Variants in CNTNAP2 observed in about 807,000 individuals in gnomAD.
CNTNAP2 encodes contactin-associated protein-like 2.
In CNTNAP2, 98 loss-of-function variants were observed where a neutral mutation model predicts 155.2. The observed-to-expected ratio is 0.63, with a 90% CI of 0.54 to 0.75. The LOEUF is 0.75. Ranked by LOEUF, CNTNAP2 falls within the 30% of genes least tolerant of loss-of-function variation. The pLI, the probability that CNTNAP2 is intolerant of heterozygous loss-of-function variation, is 0.00. For synonymous variants in CNTNAP2, 651 were observed against 631.2 expected, an observed-to-expected ratio of 1.03 and a Z score of -0.47; for missense variants, 1,727 against 1,688.1, an observed-to-expected ratio of 1.02 and a Z score of -0.40.
chr7:148,036,863 T>A (rs2116471483), intron 15 of CNTNAP2, among the ~76,000 whole-genome samples: 1 of 152,230 alleles, frequency 6.6e-6, no homozygotes, highest in South Asian at 2.1e-4. Flanking sequence ...AGAGTCAACA[T>A]ATAGAACACA....
chr7:147,169,178 C>T (rs540673637), intron 8 of CNTNAP2, among the ~76,000 whole-genome samples: 1 of 152,248 alleles, frequency 6.6e-6, no homozygotes, highest in Non-Finnish European at 1.5e-5. Context: ...AGCATCTTGG[C>T]TTAAGAAAAC....
intron 2 of CNTNAP2, among the ~76,000 whole-genome samples, chr7:146,814,091 G>T (rs1271053872): frequency 3.3e-5 from 5 of 152,126 alleles, no homozygotes; most frequent in African/African-American, 1.2e-4. Flanking sequence ...GTTCTTTATA[G>T]CAGCATAAGA....
intron 10 of CNTNAP2, among the ~76,000 whole-genome samples, chr7:147,450,488 C>T (rs1056634366): frequency 2.0e-5 from 3 of 152,198 alleles, no homozygotes; most frequent in Admixed American, 2.0e-4. Context: ...CTCAGCCAAG[C>T]TCACATGGAC....
rs1289688180 is a variant in CNTNAP2 at position 146,538,622 on chromosome 7, G to A, written c.98-235649G>A. Among the ~76,000 whole-genome samples, 3 of 151,952 alleles carry A rather than the reference G, an allele frequency of 2.0e-5. No homozygotes were observed. In the South Asian group the frequency reaches 6.2e-4, roughly 31 times the overall value. On this transcript the variant is annotated intron_variant, in intron 1 of 23. Coordinates refer to ENST00000361727, the MANE Select transcript of CNTNAP2 (RefSeq NM_014141.6). Reference sequence around the variant, plus strand: ...ACTTCTCCTACGGGAGGTCTCTCAGGTCTCTTTATCTGACAGAGAAGGGAG... The same window carrying A: ...ACTTCTCCTACGGGAGGTCTCTCAGATCTCTTTATCTGACAGAGAAGGGAG...
intron 3 of CNTNAP2, among the ~76,000 whole-genome samples, chr7:146,989,190 T>G (rs552533516): frequency 6.6e-6 from 1 of 152,154 alleles, no homozygotes; most frequent in South Asian, 2.1e-4. Flanking sequence ...TTGGGATCAC[T>G]ACCTGTGGAA....
intron 1 of CNTNAP2, among the ~76,000 whole-genome samples, chr7:146,175,737 A>G (rs993863091): frequency 6.6e-6 from 1 of 152,190 alleles, no homozygotes; most frequent in African/African-American, 2.4e-5. Context: ...CGGTTTCCAT[A>G]TGCACACCCT....
intron 8 of CNTNAP2, among the ~76,000 whole-genome samples, chr7:147,237,070 T>TGACAG (rs1803824547): frequency 8.4e-6 from 1 of 119,126 alleles, no homozygotes; most frequent in Non-Finnish European, 1.8e-5. Context: ...TTTTTTTTTT[T>TGACAG]TTTTTTTTTT....
intron 1 of CNTNAP2, among the ~76,000 whole-genome samples, chr7:146,176,615 C>T (rs1330185059): frequency 6.6e-6 from 1 of 152,132 alleles, no homozygotes; most frequent in Non-Finnish European, 1.5e-5. Context: ...ATCTCTGACT[C>T]ATTTTGTCAT....
chr7:146,922,523 A>T (rs1278465484), intron 3 of CNTNAP2, among the ~76,000 whole-genome samples: 2 of 152,166 alleles, frequency 1.3e-5, no homozygotes, highest in African/African-American at 2.4e-5. Flanking sequence ...ATATTTTAAA[A>T]TAAAAAGGTA....
chr7:146,459,284 A>G lies in CNTNAP2; in HGVS notation c.98-314987A>G, dbSNP rs1048345752. On this transcript the variant is annotated intron_variant, in intron 1 of 23. Coordinates refer to ENST00000361727, the MANE Select transcript of CNTNAP2 (RefSeq NM_014141.6). The stretch of plus-strand genomic sequence containing the variant: ...AGAAAATATATAGATGGTTATGTGT[A>G]GGTCCATGCGTGTGCATTTTAAGAA... 1.1e-4 allele frequency among the ~76,000 whole-genome samples: 17 copies of G among 152,302 alleles called. No homozygotes were observed. In the East Asian group the frequency reaches 3.3e-3, roughly 29 times the overall value.
intron 3 of CNTNAP2, among the ~76,000 whole-genome samples, chr7:146,881,496 CATTT>C (rs554572684): frequency 6.6e-6 from 1 of 152,022 alleles, no homozygotes; most frequent in East Asian, 1.9e-4. Flanking sequence ...ATGTGTGTTC[CATTT>C]ATTTATTTAT....
chr7:146,374,341 CAT>C (rs1303210021), intron 1 of CNTNAP2, among the ~76,000 whole-genome samples: 11 of 152,146 alleles, frequency 7.2e-5, no homozygotes, highest in African/African-American at 2.7e-4. Context: ...TCTCGATAGT[CAT>C]AGAAATATTT....
At chr7:147,612,927 C>T (rs1454767203) in intron 12 of CNTNAP2, among the ~76,000 whole-genome samples, 1 of 152,116 alleles carries the variant, frequency 6.6e-6, no homozygotes, top group Non-Finnish European at 1.5e-5. Context: ...CATAGCTCAA[C>T]TTATTTTCCA....
chr7:146,976,157 G>T (rs138997352), intron 3 of CNTNAP2, among the ~76,000 whole-genome samples: 1 of 152,330 alleles, frequency 6.6e-6, no homozygotes, highest in African/African-American at 2.4e-5. Context: ...ACAGAGGCCA[G>T]GTGTGAGGTA....
chr7:146,569,941 GTAGT>G (rs912607635), intron 1 of CNTNAP2, among the ~76,000 whole-genome samples: 2 of 152,164 alleles, frequency 1.3e-5, no homozygotes, highest in African/African-American at 4.8e-5. Context: ...GGATCTGACA[GTAGT>G]TAAATGCATG....
intron 21 of CNTNAP2, among the ~76,000 whole-genome samples, chr7:148,308,697 G>A (rs1029251691): frequency 6.6e-6 from 1 of 151,896 alleles, no homozygotes; most frequent in African/African-American, 2.4e-5. Flanking sequence ...TCTACATTAG[G>A]TATTTCTCCT....
chr7:147,737,500 G>T (rs371898848), intron 13 of CNTNAP2, among the ~76,000 whole-genome samples: 1 of 152,090 alleles, frequency 6.6e-6, no homozygotes, highest in Admixed American at 6.5e-5. Flanking sequence ...CTGTCCGTTC[G>T]CAGATCTCAA....
At chr7:148,050,146 C>A (rs977341503) in intron 15 of CNTNAP2, among the ~76,000 whole-genome samples, 5 of 152,112 alleles carry the variant, frequency 3.3e-5, no homozygotes, top group African/African-American at 1.2e-4. Flanking sequence ...GGTGACAGAA[C>A]AAGACTCTAT....
intron 8 of CNTNAP2, among the ~76,000 whole-genome samples, chr7:147,290,086 C>T (rs1055511508): frequency 7.9e-5 from 12 of 152,034 alleles, no homozygotes; most frequent in Admixed American, 1.3e-4. Context: ...ATTTTTCCTA[C>T]GGGAAATACA....
Sources: gnomAD v4.1 joint callset for allele counts (sites outside exome capture counted in the v4.1 genomes callset) on GRCh38, gnomAD v4.1.1 for gene constraint, MANE v1.5 for transcripts, NCBI Gene and HGNC (gene_info 2026-07-23, HGNC 2026-07-21) for gene names.